Variants in CTNNA2 observed in about 807,000 individuals in gnomAD.
CTNNA2 encodes the protein catenin alpha-2.
CTNNA2 carries 42 observed loss-of-function variants against 101.0 expected under a neutral mutation model. The observed-to-expected ratio is 0.42, with a 90% CI of 0.32 to 0.54. The LOEUF (loss-of-function observed/expected upper bound fraction) is 0.54. Ranked by LOEUF, CTNNA2 falls within the 20% of genes least tolerant of loss-of-function variation. The pLI, the probability that CTNNA2 is intolerant of heterozygous loss-of-function variation, is 0.14. For missense variants in CTNNA2, 871 were observed against 1,223.1 expected, an observed-to-expected ratio of 0.71 and a Z score of 4.29; for synonymous variants, 450 against 456.4, an observed-to-expected ratio of 0.99 and a Z score of 0.18.
intron 2 of CTNNA2, among the ~76,000 whole-genome samples, chr2:79,683,977 C>G (rs1449068794): frequency 6.6e-6 from 1 of 152,186 alleles, no homozygotes; most frequent in East Asian, 1.9e-4. Context: ...GTTCGTAGCA[C>G]TGTGCCCTAT....
intron 4 of CTNNA2, among the ~76,000 whole-genome samples, chr2:79,451,033 C>A (rs1215389315): frequency 6.6e-6 from 1 of 152,050 alleles, no homozygotes; most frequent in African/African-American, 2.4e-5. Flanking sequence ...ATGTGTACAT[C>A]TGTGGGATGT....
rs567904974 is a variant in CTNNA2, at chr2:80,141,216, C to G, written c.1056+231419C>G. 8.5e-5 allele frequency among the ~76,000 whole-genome samples: 13 copies of G among 152,078 alleles called. No homozygotes were observed. The South Asian group carries it at 2.3e-3, about 27-fold the overall frequency. ...CAGGGATGGCTGTCTAGAGCTCTCC[C>G]TTTCTGACATCCTCACCAAGAAAGA... On this transcript the variant is annotated intron_variant, in intron 7 of 18. Coordinates refer to ENST00000402739, the MANE Select transcript of CTNNA2 (RefSeq NM_001282597.3).
chr2:80,444,187 A>G lies in CTNNA2; in HGVS notation c.1290+24586A>G, dbSNP rs138903005. Reference sequence around the variant, plus strand: ...AAATTTTTGGATTCCACGTCATCCAATCTTCTAGTAAAACTGAATTTTAGA... The same window carrying G: ...AAATTTTTGGATTCCACGTCATCCAGTCTTCTAGTAAAACTGAATTTTAGA... On this transcript the variant is annotated intron_variant, in intron 9 of 18. Transcript: ENST00000402739. Among the ~76,000 whole-genome samples, 341 of 152,290 alleles carry G rather than the reference A, an allele frequency of 2.2e-3. 1 individual carries two copies. Among genetic ancestry groups the G allele is most frequent in the African/African-American group, 7.5e-3 (313 of 41,572 alleles).
At chr2:79,305,962 C>T (rs1193416236) in intron 2 of CTNNA2, among the ~76,000 whole-genome samples, 4 of 150,042 alleles carry the variant, frequency 2.7e-5, no homozygotes, top group African/African-American at 7.4e-5. Flanking sequence ...AGGAGAATGG[C>T]GTGAACCCGG....
At chr2:80,002,450 A>G (rs1693018096) in intron 7 of CTNNA2, among the ~76,000 whole-genome samples, 4 of 152,206 alleles carry the variant, frequency 2.6e-5, no homozygotes, top group South Asian at 2.1e-4. Context: ...ATCGTTGTCT[A>G]CAGTATTTCC....
intron 12 of CTNNA2, among the ~76,000 whole-genome samples, chr2:80,561,978 G>A (rs1285003082): frequency 2.6e-5 from 4 of 151,832 alleles, no homozygotes; most frequent in Admixed American, 6.6e-5. Flanking sequence ...GCCTGGCCAC[G>A]TTTTTTATGT....
At chr2:79,928,456 C>G (rs538474107) in intron 7 of CTNNA2, among the ~76,000 whole-genome samples, 4 of 152,136 alleles carry the variant, frequency 2.6e-5, no homozygotes, top group Non-Finnish European at 5.9e-5. Context: ...ATATACTATT[C>G]TATTCATTAT....
At chr2:79,230,425 C>A (rs1003917856) in intron 2 of CTNNA2, among the ~76,000 whole-genome samples, 1 of 152,204 alleles carries the variant, frequency 6.6e-6, no homozygotes, top group African/African-American at 2.4e-5. Context: ...TGGCATTGAG[C>A]CTGTGGGTAC....
chr2:79,542,125 A>T (rs959600760), intron 1 of CTNNA2, among the ~76,000 whole-genome samples: 1 of 151,342 alleles, frequency 6.6e-6, no homozygotes, highest in Admixed American at 6.6e-5. Flanking sequence ...AAAGTAGTAT[A>T]TATTGTGTGA....
chr2:80,095,471 T>G (rs1365118113), intron 7 of CTNNA2, among the ~76,000 whole-genome samples: 1 of 151,912 alleles, frequency 6.6e-6, no homozygotes, highest in South Asian at 2.1e-4. Context: ...TCTCTTTTTT[T>G]GTTGTGTCTC....
intron 6 of CTNNA2, among the ~76,000 whole-genome samples, chr2:79,888,481 A>AT (rs148386804): frequency 0.052 from 7,869 of 152,226 alleles, 269 homozygotes; most frequent in African/African-American, 0.08. Flanking sequence ...TTACCTTTCA[A>AT]TTTTTTTACT....
At chr2:79,400,037 G>A (rs1678272706) in intron 4 of CTNNA2, among the ~76,000 whole-genome samples, 1 of 151,992 alleles carries the variant, frequency 6.6e-6, no homozygotes. Context: ...ATTTTAGGGA[G>A]ATATGAGACA....
intron 1 of CTNNA2, among the ~76,000 whole-genome samples, chr2:79,642,948 T>C (rs1435094313): frequency 6.6e-6 from 1 of 151,838 alleles, no homozygotes; most frequent in East Asian, 1.9e-4. Flanking sequence ...ATCCCAGCAC[T>C]TGGGGAGGCC....
At chr2:80,000,558 T>C (rs985624636) in intron 7 of CTNNA2, among the ~76,000 whole-genome samples, 1 of 152,178 alleles carries the variant, frequency 6.6e-6, no homozygotes, top group Admixed American at 6.6e-5. Context: ...TGGCCTTCAC[T>C]GCCAGCCACT....
chr2:80,580,229 A>G (rs1440375550), intron 13 of CTNNA2, among the ~76,000 whole-genome samples: 2 of 152,222 alleles, frequency 1.3e-5, no homozygotes, highest in African/African-American at 4.8e-5. Context: ...TGACAGACAC[A>G]TACATGGTAA....
chr2:80,232,383 T>G (rs1319148759), intron 7 of CTNNA2, among the ~76,000 whole-genome samples: 5 of 87,112 alleles, frequency 5.7e-5, no homozygotes, highest in Non-Finnish European at 8.4e-5. Context: ...TTTTTTTTTT[T>G]TTTTTGTTAA....
intron 3 of CTNNA2, among the ~76,000 whole-genome samples, chr2:79,347,376 G>A (rs1677285090): frequency 6.6e-6 from 1 of 152,138 alleles, no homozygotes; most frequent in Admixed American, 6.5e-5. Flanking sequence ...GCTTTACTAA[G>A]CCTGTTTGTT....
intron 1 of CTNNA2, among the ~76,000 whole-genome samples, chr2:79,580,269 C>A (rs1019989337): frequency 6.6e-6 from 1 of 151,842 alleles, no homozygotes; most frequent in Non-Finnish European, 1.5e-5. Context: ...GGTCAGAGGG[C>A]GAGGTAATTA....
intron 7 of CTNNA2, among the ~76,000 whole-genome samples, chr2:80,357,587 A>C (rs1184718415): frequency 6.6e-6 from 1 of 152,006 alleles, no homozygotes; most frequent in Non-Finnish European, 1.5e-5. Flanking sequence ...GGGACCAATG[A>C]TGTGTGGCAG....
Sources: gnomAD v4.1 joint callset for allele counts (sites outside exome capture counted in the v4.1 genomes callset) on GRCh38, gnomAD v4.1.1 for gene constraint, MANE v1.5 for transcripts, NCBI Gene and HGNC (gene_info 2026-07-23, HGNC 2026-07-21) for gene names.